Variants in COX10 observed in about 807,000 individuals in gnomAD.
COX10 encodes the protein protoheme IX farnesyltransferase, mitochondrial.
Under a neutral mutation model 37.3 loss-of-function variants are expected in COX10, and 27 were observed. The ratio of observed to expected loss-of-function variants is 0.72; its 90% confidence interval spans 0.53 to 1.00. COX10 has a LOEUF of 1.00. Ranked by LOEUF, COX10 falls within the 50% of genes least tolerant of loss-of-function variation. The probability of loss-of-function intolerance (pLI) is 0.00; values close to 1 mark genes in which losing one functional copy is unlikely to be tolerated. For missense variants in COX10, 475 were observed against 563.2 expected, an observed-to-expected ratio of 0.84 and a Z score of 1.59; for synonymous variants, 222 against 229.1, an observed-to-expected ratio of 0.97 and a Z score of 0.28.
intron 4 of COX10, among the ~76,000 whole-genome samples, chr17:14,143,857 T>C (rs895749642): frequency 6.6e-6 from 1 of 152,146 alleles, no homozygotes; most frequent in East Asian, 1.9e-4. Flanking sequence ...CTCTGTTGTA[T>C]AGAGTCTTGC....
chr17:14,180,391 A>G (rs900656160), intron 5 of COX10, among the ~76,000 whole-genome samples: 10 of 152,220 alleles, frequency 6.6e-5, no homozygotes, highest in Non-Finnish European at 1.2e-4. Context: ...ACTGTTCTCT[A>G]TTAACCATGG....
intron 5 of COX10, among the ~76,000 whole-genome samples, chr17:14,164,281 G>C (rs1445381230): frequency 6.6e-6 from 1 of 152,154 alleles, no homozygotes; most frequent in Admixed American, 6.5e-5. Flanking sequence ...ACCATCCTTA[G>C]TGATATGCAT....
intron 4 of COX10, among the ~76,000 whole-genome samples, chr17:14,124,116 ACT>A (rs1916284403): frequency 6.6e-6 from 1 of 151,618 alleles, no homozygotes; most frequent in African/African-American, 2.4e-5. Flanking sequence ...AGGTTGCCTG[ACT>A]CTTGTTTTCT....
At chr17:14,083,996 A>C (rs1915355527) in intron 3 of COX10, among the ~76,000 whole-genome samples, 1 of 152,216 alleles carries the variant, frequency 6.6e-6, no homozygotes, top group Admixed American at 6.5e-5. Flanking sequence ...CCAATAGATT[A>C]TGCTGTTGAT....
In COX10 at chr17:14,074,450, A is replaced by G. The variant is rs778853299; in HGVS notation, c.171A>G (p.Lys57=). The change falls in exon 2 of 7, where the codon AAA becomes AAG. Residue 57 remains lysine, a synonymous_variant. Coordinates refer to ENST00000261643, the MANE Select transcript of COX10 (RefSeq NM_001303.4). The part of the protein sequence containing the change: ...WITFQHFSFL[K]RMYVTQLNRS... ...CATTTCAGCACTTTAGCTTCCTCAA[A>G]CGCATGGTATGTTTAGAAGACCATT... 1.2e-6 allele frequency: 2 copies of G among 1,613,126 alleles called. No individual in the cohort carries two copies. Among genetic ancestry groups the G allele is most frequent in the Non-Finnish European group, 8.5e-7 (1 of 1,179,630 alleles).
At chr17:14,171,169 T>A (rs1905454016) in intron 5 of COX10, among the ~76,000 whole-genome samples, 1 of 152,134 alleles carries the variant, frequency 6.6e-6, no homozygotes, top group Non-Finnish European at 1.5e-5. Flanking sequence ...ATTGAACCTT[T>A]CCCTCATACT....
chr17:14,121,158 T>G (rs1268800063), intron 4 of COX10, among the ~76,000 whole-genome samples: 3 of 152,226 alleles, frequency 2.0e-5, no homozygotes, highest in Non-Finnish European at 2.9e-5. Flanking sequence ...CAGTTCTCTT[T>G]TTATATCTTG....
At chr17:14,196,421 A>G (rs2142266035) in intron 6 of COX10, among the ~76,000 whole-genome samples, 1 of 152,300 alleles carries the variant, frequency 6.6e-6, no homozygotes. Context: ...AGTCATGACC[A>G]GTTTCTTTGA....
intron 6 of COX10, among the ~76,000 whole-genome samples, chr17:14,199,981 G>C (rs1906498625): frequency 6.6e-6 from 1 of 152,142 alleles, no homozygotes; most frequent in South Asian, 2.1e-4. Context: ...TCAGAGAGGA[G>C]ACTATTGTAC....
chr17:14,155,322 A>T (rs903758455), intron 4 of COX10, among the ~76,000 whole-genome samples: 1 of 56,994 alleles, frequency 1.8e-5, no homozygotes, highest in Non-Finnish European at 3.5e-5. Flanking sequence ...ATGTTAAAAC[A>T]TCTACATAAA....
At chr17:14,182,347 A>C in intron 5 of COX10, 3 of 910,106 alleles carry the variant, frequency 3.3e-6, no homozygotes, top group Non-Finnish European at 3.9e-6. Context: ...CCACGTTCTG[A>C]ATGTAATTAT....
chr17:14,097,680 T>A (rs1388436506), intron 3 of COX10, among the ~76,000 whole-genome samples: 1 of 152,178 alleles, frequency 6.6e-6, no homozygotes, highest in Non-Finnish European at 1.5e-5. Context: ...CCTTTTCAAT[T>A]TTAAACAAAA....
intron 4 of COX10, among the ~76,000 whole-genome samples, chr17:14,131,129 C>T (rs1249793754): frequency 6.6e-6 from 1 of 152,068 alleles, no homozygotes; most frequent in Non-Finnish European, 1.5e-5. Context: ...ATGACCAGCT[C>T]ATTGATTTGT....
chr17:14,104,647 G>A (rs141848889), intron 4 of COX10, among the ~76,000 whole-genome samples: 289 of 151,930 alleles, frequency 1.9e-3, no homozygotes, highest in Middle Eastern at 0.01. Context: ...TTTATATTTT[G>A]TATTTATTAA....
At chr17:14,200,413 T>C (rs777201972) in intron 6 of COX10, among the ~76,000 whole-genome samples, 1 of 152,166 alleles carries the variant, frequency 6.6e-6, no homozygotes, top group Non-Finnish European at 1.5e-5. Flanking sequence ...CAACGAGTCA[T>C]CAGGAAGACA....
chr17:14,102,895 G>A (rs1915816024), intron 4 of COX10, among the ~76,000 whole-genome samples: 2 of 151,990 alleles, frequency 1.3e-5, no homozygotes, highest in African/African-American at 2.4e-5. Context: ...AAGGAAAATC[G>A]TTTTCATTAC....
intron 3 of COX10, among the ~76,000 whole-genome samples, chr17:14,079,706 A>G (rs1288669606): frequency 6.6e-6 from 1 of 152,198 alleles, no homozygotes; most frequent in Non-Finnish European, 1.5e-5. Context: ...ACAGAAGCAT[A>G]TATTTTAAAC....
intron 5 of COX10, among the ~76,000 whole-genome samples, chr17:14,163,456 G>A (rs1042341230): frequency 2.6e-5 from 4 of 151,878 alleles, no homozygotes; most frequent in South Asian, 2.1e-4. Flanking sequence ...GGGTTTCACC[G>A]TGTTGGCCAG....
At chr17:14,151,067 GAA>G (rs11355971) in intron 4 of COX10, among the ~76,000 whole-genome samples, 19 of 150,210 alleles carry the variant, frequency 1.3e-4, no homozygotes, top group African/African-American at 3.2e-4. Context: ...TAAAGCACAG[GAA>G]AAAAAAAATG....
Sources: gnomAD v4.1 joint callset for allele counts (sites outside exome capture counted in the v4.1 genomes callset) on GRCh38, gnomAD v4.1.1 for gene constraint, MANE v1.5 for transcripts, NCBI Gene and HGNC (gene_info 2026-07-23, HGNC 2026-07-21) for gene names.